Variants in NOVA1 observed in about 807,000 individuals in gnomAD.
NOVA1 encodes RNA-binding protein Nova-1.
A neutral mutation model predicts 38.0 loss-of-function variants in NOVA1; 7 were observed. That is an observed-to-expected ratio of 0.18 (90% confidence interval 0.10 to 0.35). The LOEUF (loss-of-function observed/expected upper bound fraction) is 0.35. NOVA1 is among the 10% of genes least tolerant of loss of function. The probability of loss-of-function intolerance (pLI) is 1.00; values close to 1 mark genes in which losing one functional copy is unlikely to be tolerated. For missense variants in NOVA1, 460 were observed against 616.0 expected, an observed-to-expected ratio of 0.75 and a Z score of 2.68; for synonymous variants, 270 against 232.5, an observed-to-expected ratio of 1.16 and a Z score of -1.47.
intron 2 of NOVA1, among the ~76,000 whole-genome samples, chr14:26,526,963 G>A (rs1286072508): frequency 6.6e-6 from 1 of 152,038 alleles, no homozygotes; most frequent in Non-Finnish European, 1.5e-5. Context: ...CAGAATCTTG[G>A]ACATCCTGGA....
At chr14:26,505,961 T>C in intron 2 of NOVA1, among the ~76,000 whole-genome samples, 1 of 152,274 alleles carries the variant, frequency 6.6e-6, no homozygotes, top group South Asian at 2.1e-4. Context: ...TTAAAATATT[T>C]AGAAACCTTA....
chr14:26,501,583 T>G (rs1887244573), intron 2 of NOVA1, among the ~76,000 whole-genome samples: 1 of 151,970 alleles, frequency 6.6e-6, no homozygotes, highest in Non-Finnish European at 1.5e-5. Context: ...TTATTTTATC[T>G]TCTCATTAAT....
chr14:26,462,745 A>C (rs991747983), intron 4 of NOVA1, among the ~76,000 whole-genome samples: 1 of 152,164 alleles, frequency 6.6e-6, no homozygotes, highest in Non-Finnish European at 1.5e-5. Context: ...AAAGCATCAA[A>C]AAAGTAGGAA....
chr14:26,531,033 C>T (rs1306848423), intron 2 of NOVA1, among the ~76,000 whole-genome samples: 4 of 152,026 alleles, frequency 2.6e-5, no homozygotes, highest in Non-Finnish European at 5.9e-5. Context: ...CCACCTAAAC[C>T]CACTACTAAT....
intron 2 of NOVA1, among the ~76,000 whole-genome samples, chr14:26,530,758 A>G (rs1283728755): frequency 1.3e-5 from 2 of 151,208 alleles, no homozygotes; most frequent in Admixed American, 6.6e-5. Flanking sequence ...GGGAGGGCAG[A>G]AAAAAAACAT....
chr14:26,480,667 G>T (rs1474943346), intron 2 of NOVA1, among the ~76,000 whole-genome samples: 7 of 145,200 alleles, frequency 4.8e-5, no homozygotes, highest in African/African-American at 1.2e-4. Flanking sequence ...ATTTTACATT[G>T]TTTTTTTTTT....
intron 2 of NOVA1, among the ~76,000 whole-genome samples, chr14:26,518,227 A>G (rs1216934407): frequency 6.6e-6 from 1 of 152,038 alleles, no homozygotes; most frequent in Admixed American, 6.6e-5. Flanking sequence ...CTGAAAAAGT[A>G]TTTCATTTTC....
intron 2 of NOVA1, among the ~76,000 whole-genome samples, chr14:26,540,638 C>T (rs1418655664): frequency 6.6e-6 from 1 of 152,156 alleles, no homozygotes; most frequent in Non-Finnish European, 1.5e-5. Flanking sequence ...AATAATTATT[C>T]AGAATTCATT....
intron 2 of NOVA1, 135 bp downstream of exon 2, chr14:26,595,275 T>C (rs1894117400): frequency 2.5e-6 from 2 of 800,578 alleles, no homozygotes; most frequent in Admixed American, 2.7e-5. Flanking sequence ...TTTTCCACAA[T>C]ATATTCCTAT....
At chr14:26,529,069 A>G (rs894509942) in intron 2 of NOVA1, among the ~76,000 whole-genome samples, 4 of 151,974 alleles carry the variant, frequency 2.6e-5, no homozygotes, top group Admixed American at 6.6e-5. Context: ...ACTAGGAGGC[A>G]TATTTGCTCT....
intron 2 of NOVA1, among the ~76,000 whole-genome samples, chr14:26,538,269 GACAA>G (rs1476696276): frequency 7.9e-5 from 12 of 152,050 alleles, no homozygotes; most frequent in South Asian, 4.1e-4. Context: ...AGTAATCAAA[GACAA>G]ACAAAGTAAA....
At chr14:26,582,455 G>T (rs1418862074) in intron 2 of NOVA1, among the ~76,000 whole-genome samples, 3 of 151,732 alleles carry the variant, frequency 2.0e-5, no homozygotes, top group Admixed American at 2.0e-4. Flanking sequence ...ATTATTTATT[G>T]CAGTTTGCTT....
intron 2 of NOVA1, among the ~76,000 whole-genome samples, chr14:26,562,032 T>A (rs1033432919): frequency 6.6e-6 from 1 of 152,180 alleles, no homozygotes; most frequent in African/African-American, 2.4e-5. Flanking sequence ...TTCCATGTAT[T>A]TGTGTATGCT....
intron 2 of NOVA1, among the ~76,000 whole-genome samples, chr14:26,560,933 G>T (rs1462581319): frequency 6.6e-6 from 1 of 152,146 alleles, no homozygotes; most frequent in Non-Finnish European, 1.5e-5. Flanking sequence ...CCAGTGTCCT[G>T]AAGAATATAA....
rs558944830 is a variant in NOVA1, at chr14:26,463,599, T to A, written c.519+8721A>T. Among the ~76,000 whole-genome samples the A allele has an allele frequency of 9.9e-5, 15 of 152,282 alleles. No homozygotes were observed. In the South Asian group the frequency reaches 1.9e-3, roughly 19 times the overall value. On this transcript the variant is annotated intron_variant, in intron 4 of 4. Coordinates refer to ENST00000539517, the MANE Select transcript of NOVA1 (RefSeq NM_002515.3). ...AATTAACTGTCATGTGTTCAAGATA[T>A]TTTTTCCAAATGTACTGTTTTCTTT...
chr14:26,509,344 T>C (rs1887881367), intron 2 of NOVA1, among the ~76,000 whole-genome samples: 1 of 152,080 alleles, frequency 6.6e-6, no homozygotes, highest in African/African-American at 2.4e-5. Flanking sequence ...ATATTGAATA[T>C]CCTAAGTAAG....
chr14:26,572,463 C>G (rs1057385618), intron 2 of NOVA1, among the ~76,000 whole-genome samples: 1 of 152,126 alleles, frequency 6.6e-6, no homozygotes, highest in Non-Finnish European at 1.5e-5. Flanking sequence ...ATACGCAGTA[C>G]ATACAGATTG....
chr14:26,564,846 G>A (rs1892039191), intron 2 of NOVA1, among the ~76,000 whole-genome samples: 1 of 152,108 alleles, frequency 6.6e-6, no homozygotes, highest in African/African-American at 2.4e-5. Context: ...GTTTCTGTGA[G>A]ATAAAAAGAT....
chr14:26,573,710 A>T (rs1313943985), intron 2 of NOVA1, among the ~76,000 whole-genome samples: 1 of 152,190 alleles, frequency 6.6e-6, no homozygotes, highest in Non-Finnish European at 1.5e-5. Flanking sequence ...TGAAGCAAGT[A>T]CATTTACAGA....
Sources: gnomAD v4.1 joint callset for allele counts (sites outside exome capture counted in the v4.1 genomes callset) on GRCh38, gnomAD v4.1.1 for gene constraint, MANE v1.5 for transcripts, NCBI Gene and HGNC (gene_info 2026-07-23, HGNC 2026-07-21) for gene names.